Variants in PI16 observed in about 807,000 individuals in gnomAD.
The protein encoded by PI16 is PSP94-binding protein.
Under a neutral mutation model 38.0 loss-of-function variants are expected in PI16, and 35 were observed. That is an observed-to-expected ratio of 0.92 (90% CI 0.70 to 1.22). PI16 has a LOEUF of 1.22. Ranked by LOEUF, PI16 falls within the 50% of genes most tolerant of loss-of-function variation. The pLI is 0.00. For missense variants in PI16, 572 were observed against 593.8 expected (o/e 0.96, Z 0.38); for synonymous variants, 275 against 252.9 (o/e 1.09, Z -0.83).
In PI16 at chr6:36,957,586, C is replaced by A. The variant is rs143459116; in HGVS notation, c.172-1559C>A. On this transcript the variant is annotated intron_variant, in intron 1 of 6. Transcript: ENST00000373674. ...GAATGGACTTGCTTCTAGATGGTGACCATGTGGCCAATGTGGGTGGGTGCT... is the reference window on the plus strand; with the variant it reads ...GAATGGACTTGCTTCTAGATGGTGAACATGTGGCCAATGTGGGTGGGTGCT... Among the ~76,000 whole-genome samples the A allele has an allele frequency of 5.5e-4, 83 of 151,962 alleles. 1 individual carries two copies. In the East Asian group the frequency reaches 0.012, roughly 22 times the overall value.
At chr6:36,961,707 T>C (rs1224157581) in intron 3 of PI16, 147 bp downstream of exon 3, 3 of 896,970 alleles carry the variant, frequency 3.3e-6, no homozygotes, top group Non-Finnish European at 5.4e-6. Flanking sequence ...AAGGCACCAA[T>C]GGGGGTCTGC....
Position 36,961,569 on chromosome 6 carries a change from CG to C in PI16, c.503+15del, listed in dbSNP as rs765893011. The C allele has an allele frequency of 2.5e-6, 4 of 1,611,688 alleles. No individual in the cohort carries two copies. The highest frequency in any genetic ancestry group is 1.7e-6 in the Non-Finnish European group (2 of 1,177,890). On this transcript the variant is annotated intron_variant, in intron 3 of 6. Coordinates refer to ENST00000373674, the MANE Select transcript of PI16 (RefSeq NM_153370.3). ...TGCAACTATGAGCCTCCGTGAGTGC[CG>C]GGGGGAACCCTGGAGATGGAGAGGG...
chr6:36,963,187 C>T lies in PI16; in HGVS notation c.845C>T (p.Pro282Leu). The T allele has an allele frequency of 6.2e-7, 1 of 1,614,248 alleles. No homozygotes were observed. The highest frequency in any genetic ancestry group is 8.5e-7 in the Non-Finnish European group (1 of 1,180,046). The change falls in exon 5 of 7, where the codon CCT becomes CTT. Residue 282 changes from proline (P) to leucine (L), a missense_variant. Pro to Leu is a moderately conservative substitution (Grantham distance 98, BLOSUM62 -3). Transcript: ENST00000373674. ...CCCTCCATGGCAACAGAGGCTCCAC[C>T]TTGCGTAACAACTGAGGTCCCTTCC... ...DPPSMATEAP[P>L]CVTTEVPSIL...
At chr6:36,948,719 G>A (rs147076815) in intron 1 of PI16, among the ~76,000 whole-genome samples, 1 of 93,746 alleles carries the variant, frequency 1.1e-5, no homozygotes, top group Non-Finnish European at 2.2e-5. Context: ...TTTCTCTCTC[G>A]CTCTCTCTCT....
chr6:36,956,451 A>T (rs1246996865), intron 1 of PI16, among the ~76,000 whole-genome samples: 2 of 152,136 alleles, frequency 1.3e-5, no homozygotes, highest in East Asian at 3.8e-4. Context: ...ACATTCTGGG[A>T]GGCAGTTGGG....
rs577093089 is a variant in PI16 at position 36,961,137 on chromosome 6, T to C, written c.394-314T>C. On this transcript the variant is annotated intron_variant, in intron 2 of 6. Coordinates refer to ENST00000373674, the MANE Select transcript of PI16 (RefSeq NM_153370.3). ...AAAATGCAAGGGCCTCTAGGCCTTTTTTTCTAGCCCACAGAAAAAAATTAA... is the reference window on the plus strand; with the variant it reads ...AAAATGCAAGGGCCTCTAGGCCTTTCTTTCTAGCCCACAGAAAAAAATTAA... Among the ~76,000 whole-genome samples, 55 of 152,336 alleles carry C rather than the reference T, an allele frequency of 3.6e-4. No homozygotes were observed. The Middle Eastern group carries it at 0.01, about 28-fold the overall frequency.
At chr6:36,964,313 C>T (rs1763453674) in intron 6 of PI16, 73 bp from the exon 7 acceptor site, 2 of 192,944 alleles carry the variant, frequency 1.0e-5, no homozygotes, top group South Asian at 2.2e-4. Context: ...CGGGCCCCTC[C>T]CAGTCCCCTG....
upstream of PI16, among the ~76,000 whole-genome samples, chr6:36,953,589 C>A (rs2150733363): frequency 6.6e-6 from 1 of 152,022 alleles, no homozygotes; most frequent in East Asian, 1.9e-4. Flanking sequence ...GAGACTCAGG[C>A]AGGGACAGGT....
At chr6:36,964,091 C>A in intron 6 of PI16, 129 bp downstream of exon 6, 1 of 1,154,082 alleles carries the variant, frequency 8.7e-7, no homozygotes. Context: ...CAACTTCTGG[C>A]CAGATTCCAG....
chr6:36,955,027 A>T, intron 1 of PI16, 96 bp downstream of exon 1: 1 of 1,443,516 alleles, frequency 6.9e-7, no homozygotes, highest in South Asian at 1.5e-5. Context: ...TGCTGAAGCT[A>T]TTTCAGAATT....
intron 1 of PI16, among the ~76,000 whole-genome samples, chr6:36,955,287 G>A (rs1407812985): frequency 6.6e-6 from 1 of 152,176 alleles, no homozygotes; most frequent in African/African-American, 2.4e-5. Flanking sequence ...TTCCTCAAAT[G>A]CATGTGCCCT....
Position 36,962,816 on chromosome 6 carries a change from G to C in PI16, c.593-119G>C. ...TGAGGGGCATATCAGCTGGAGAAGTGTATGTGTGTGTTTGTGTGTCCTGGT... is the reference window on the plus strand; with the variant it reads ...TGAGGGGCATATCAGCTGGAGAAGTCTATGTGTGTGTTTGTGTGTCCTGGT... On this transcript the variant is annotated intron_variant, in intron 4 of 6. Transcript: ENST00000373674. The surrounding 1 kb of genome is among the most constrained non-coding windows in gnomAD (Gnocchi z 4.1). 1.2e-6 allele frequency: 1 copy of C among 838,978 alleles called. No homozygotes were observed. 52.0% of individuals were successfully genotyped at this position (838,978 alleles called of 1,614,324 possible). A position where few individuals can be genotyped will look rare whatever the true frequency, so the allele number is the denominator to read the frequency against.
At chr6:36,950,599 A>C (rs1197699375), upstream of PI16, among the ~76,000 whole-genome samples, 4 of 151,358 alleles carry the variant, frequency 2.6e-5, no homozygotes, top group African/African-American at 9.7e-5. This position sits in a 1 kb window ranked among gnomAD's most constrained non-coding sequence, Gnocchi z 4.2. Context: ...GCTGGAGAGC[A>C]ATGGCACGAT....
At chr6:36,949,921 A>G (rs1763072861), upstream of PI16, among the ~76,000 whole-genome samples, 1 of 151,802 alleles carries the variant, frequency 6.6e-6, no homozygotes, top group South Asian at 2.1e-4. Context: ...TGGTGGCTCA[A>G]GTGGCCTGGG....
chr6:36,963,750 T>C, intron 5 of PI16, 73 bp from the exon 6 acceptor site: 1 of 1,532,736 alleles, frequency 6.5e-7, no homozygotes, highest in East Asian at 2.3e-5. Flanking sequence ...CCCCACCTCC[T>C]TGCATGGTGG....
intron 1 of PI16, among the ~76,000 whole-genome samples, chr6:36,948,619 T>G (rs1445272883): frequency 1.5e-5 from 1 of 67,858 alleles, no homozygotes; most frequent in African/African-American, 6.5e-5. Flanking sequence ...TCTTTTTTTT[T>G]TTCCTTCCTT....
chr6:36,962,022 C>A lies in PI16; in HGVS notation c.592+48C>A, dbSNP rs765659710. On this transcript the variant is annotated intron_variant, in intron 4 of 6. Transcript: ENST00000373674. The surrounding 1 kb of genome is among the most constrained non-coding windows in gnomAD (Gnocchi z 4.1). The stretch of plus-strand genomic sequence containing the variant: ...AGGGGCAGGGGGTGTGGAAATGATG[C>A]GATGCAGACTGGATGGTCTAAGAGC... 6.8e-7 allele frequency: 1 copy of A among 1,478,946 alleles called. No homozygotes were observed. The highest frequency in any genetic ancestry group is 2.3e-5 in the East Asian group (1 of 44,294). The allele number at this position is 1,478,946 out of a possible 1,614,324, so 91.6% of individuals were successfully genotyped here.
Position 36,961,878 on chromosome 6 carries a change from T to A in PI16, c.504-8T>A. 1 of 1,612,234 alleles carries A rather than the reference T, an allele frequency of 6.2e-7. No individual in the cohort carries two copies. Among genetic ancestry groups the A allele is most frequent in the South Asian group, 1.1e-5 (1 of 91,060 alleles). ...CCCTCCCCGCAGCATCCTCCTGACC[T>A]CCTGTAGGGGGAACGTGAAGGGGAA... On this transcript the variant is annotated splice_region_variant and splice_polypyrimidine_tract_variant and intron_variant, in intron 3 of 6. Coordinates refer to ENST00000373674, the MANE Select transcript of PI16 (RefSeq NM_153370.3).
chr6:36,961,860 C>G (rs570653586), intron 3 of PI16, 26 bp from the exon 4 acceptor site: 1 of 1,593,912 alleles, frequency 6.3e-7, no homozygotes, highest in Non-Finnish European at 8.6e-7. Context: ...ACCCCCTCCC[C>G]GCAGCATCCT....
Sources: allele counts gnomAD v4.1 joint callset (sites outside exome capture counted in the v4.1 genomes callset), GRCh38; gene constraint gnomAD v4.1.1; non-coding constraint Gnocchi (gnomAD v3.1); transcripts MANE v1.5; gene names NCBI Gene and HGNC (gene_info 2026-07-23, HGNC 2026-07-21).